Variants in FIBCD1 observed in about 807,000 individuals in gnomAD.
FIBCD1 encodes the protein fibrinogen C domain containing 1, also known as fibrinogen C domain-containing protein 1.
FIBCD1 carries 47 observed loss-of-function variants against 45.1 expected under a neutral mutation model. The observed-to-expected ratio is 1.04, with a 90% confidence interval of 0.82 to 1.33. The LOEUF (loss-of-function observed/expected upper bound fraction) is 1.33, where lower values mean the gene tolerates loss of function less well. Ranked by LOEUF, FIBCD1 falls within the 40% of genes most tolerant of loss-of-function variation. The pLI, the probability that FIBCD1 is intolerant of heterozygous loss-of-function variation, is 0.00. For synonymous variants in FIBCD1, 313 were observed against 308.1 expected (o/e 1.02, Z -0.17); for missense variants, 653 against 682.2 (o/e 0.96, Z 0.48).
intron 3 of FIBCD1, 56 bp from the exon 4 acceptor site, chr9:130,923,936 C>T (rs928752044): frequency 3.1e-6 from 5 of 1,608,482 alleles, no homozygotes; most frequent in Non-Finnish European, 4.2e-6. Context: ...CCTGCCCAGC[C>T]CCCTGGCCAA....
rs373525799 is a variant in FIBCD1, at chr9:130,923,730, C to T, written c.849+14G>A. On this transcript the variant is annotated intron_variant, in intron 4 of 6. Coordinates refer to ENST00000372338, the MANE Select transcript of FIBCD1 (RefSeq NM_032843.5). ...GGTGCCTGCCCTGCCGCCCGCCCAGCCTGGGACACTCACCGTCCAGCCGCC... is the reference window on the plus strand; with the variant it reads ...GGTGCCTGCCCTGCCGCCCGCCCAGTCTGGGACACTCACCGTCCAGCCGCC... 177 of 1,611,060 alleles carry T rather than the reference C, an allele frequency of 1.1e-4. No homozygotes were observed. The Middle Eastern group carries it at 1.7e-3, about 16-fold the overall frequency.
At chr9:130,909,909 C>T (rs1832005423) in intron 5 of FIBCD1, among the ~76,000 whole-genome samples, 1 of 152,240 alleles carries the variant, frequency 6.6e-6, no homozygotes, top group Admixed American at 6.5e-5. Flanking sequence ...CGTGCGGTTG[C>T]CTCCAGGCCC....
intron 4 of FIBCD1, among the ~76,000 whole-genome samples, chr9:130,919,414 G>A (rs1330592648): frequency 6.6e-6 from 1 of 152,204 alleles, no homozygotes; most frequent in Non-Finnish European, 1.5e-5. Flanking sequence ...AGGGCCGGCC[G>A]CAGCTGCAGC....
In FIBCD1 at chr9:130,903,892, G is replaced by A. The variant is rs183146108; in HGVS notation, c.*172C>T. ...GAGGGGGTGGGGACGGCGAGAAGGCGATGTGTGACTTCACCGGCCCAGGGA... is the reference window on the plus strand; with the variant it reads ...GAGGGGGTGGGGACGGCGAGAAGGCAATGTGTGACTTCACCGGCCCAGGGA... On this transcript the variant is annotated 3_prime_UTR_variant, in exon 7 of 7. Coordinates refer to ENST00000372338, the MANE Select transcript of FIBCD1 (RefSeq NM_032843.5). The A allele has an allele frequency of 1.7e-5, 14 of 811,024 alleles. No homozygotes were observed. Among genetic ancestry groups the A allele is most frequent in the East Asian group, 2.7e-5 (1 of 37,310 alleles). The allele number at this position is 811,024 out of a possible 1,614,324, so 50.2% of individuals were successfully genotyped here.
At chr9:130,939,355 G>T (rs1025603474), upstream of FIBCD1, 1 of 152,230 alleles carries the variant, frequency 6.6e-6, no homozygotes, top group East Asian at 1.9e-4. Flanking sequence ...TGCGCCGGGG[G>T]CAGTTTCGGT....
intron 4 of FIBCD1, among the ~76,000 whole-genome samples, chr9:130,915,560 G>T (rs530329514): frequency 6.6e-6 from 1 of 152,080 alleles, no homozygotes; most frequent in Non-Finnish European, 1.5e-5. Flanking sequence ...AAAATTAGCC[G>T]GGCATAGTGG....
Position 130,926,245 on chromosome 9 carries a change from TA to T in FIBCD1, c.553-1850del, listed in dbSNP as rs144935472. 1.3e-5 allele frequency among the ~76,000 whole-genome samples: 2 copies of T among 152,222 alleles called. No homozygotes were observed. The highest frequency in any genetic ancestry group is 6.5e-5 in the Admixed American group (1 of 15,288). On this transcript the variant is annotated intron_variant, in intron 2 of 6. Coordinates refer to ENST00000372338, the MANE Select transcript of FIBCD1 (RefSeq NM_032843.5). The surrounding 1 kb of genome is among the most constrained non-coding windows in gnomAD (Gnocchi z 4.1). Reference sequence around the variant, plus strand: ...CTGAGTCAACACGGCCACAACGCACTAAAAAAAACTCAGGCACGGCCTCCTC... The same window carrying T: ...CTGAGTCAACACGGCCACAACGCACTAAAAAAACTCAGGCACGGCCTCCTC...
chr9:130,916,919 G>A (rs979334791), intron 4 of FIBCD1, among the ~76,000 whole-genome samples: 4 of 152,152 alleles, frequency 2.6e-5, no homozygotes, highest in African/African-American at 2.4e-5. Context: ...CTAATATGGT[G>A]AAACCCCATC....
intron 4 of FIBCD1, 38 bp from the exon 5 acceptor site, chr9:130,911,926 C>T: frequency 3.2e-6 from 5 of 1,539,828 alleles, no homozygotes; most frequent in South Asian, 2.4e-5. Flanking sequence ...TTGGCACCGA[C>T]CATCCCAGGA....
chr9:130,916,086 G>A (rs936359784), intron 4 of FIBCD1, among the ~76,000 whole-genome samples: 7 of 152,100 alleles, frequency 4.6e-5, no homozygotes, highest in African/African-American at 1.4e-4. Flanking sequence ...CTGCCACCAT[G>A]CCCGGCTAAG....
chr9:130,931,401 C>T lies in FIBCD1; in HGVS notation c.73-1355G>A, dbSNP rs150738805. The stretch of plus-strand genomic sequence containing the variant: ...CACATGCCTGTAAATCCCAGCTACT[C>T]GGGAGGCTGAGGCACGAGAATTCCT... On this transcript the variant is annotated intron_variant, in intron 1 of 6. Coordinates refer to ENST00000372338, the MANE Select transcript of FIBCD1 (RefSeq NM_032843.5). Among the ~76,000 whole-genome samples, 154 of 152,228 alleles carry T rather than the reference C, an allele frequency of 1.0e-3. 1 individual carries two copies. The East Asian group carries it at 0.018, about 18-fold the overall frequency.
chr9:130,937,793 T>C (rs1476326098), intron 1 of FIBCD1, among the ~76,000 whole-genome samples: 1 of 152,024 alleles, frequency 6.6e-6, no homozygotes, highest in Non-Finnish European at 1.5e-5. Context: ...CCAGCCCAGG[T>C]GTTCTGCCCT....
Position 130,903,508 on chromosome 9 carries a change from C to A in FIBCD1, c.*556G>T, listed in dbSNP as rs2133061369. ...GCCTGGTAGGATGGGGCCACCCAGC[C>A]CACAGCCAGGCTGAGGCCCTTGGGG... On this transcript the variant is annotated 3_prime_UTR_variant, in exon 7 of 7. Transcript: ENST00000372338. The A allele has an allele frequency of 5.3e-6, 1 of 189,898 alleles. No individual in the cohort carries two copies. Among genetic ancestry groups the A allele is most frequent in the Non-Finnish European group, 1.1e-5 (1 of 91,208 alleles). 11.8% of individuals were successfully genotyped at this position (189,898 alleles called of 1,614,324 possible).
chr9:130,914,039 C>T (rs941420624), intron 4 of FIBCD1, among the ~76,000 whole-genome samples: 1 of 152,190 alleles, frequency 6.6e-6, no homozygotes, highest in Non-Finnish European at 1.5e-5. Flanking sequence ...GTCTGTAAAG[C>T]AGAGATCACA....
chr9:130,928,729 C>G (rs1207752417), intron 2 of FIBCD1, among the ~76,000 whole-genome samples: 1 of 151,914 alleles, frequency 6.6e-6, no homozygotes, highest in Non-Finnish European at 1.5e-5. Flanking sequence ...TCTGAGTCAC[C>G]GGGAGAACGT....
At chr9:130,931,551 A>G (rs1307952730) in intron 1 of FIBCD1, among the ~76,000 whole-genome samples, 1 of 152,220 alleles carries the variant, frequency 6.6e-6, no homozygotes, top group Non-Finnish European at 1.5e-5. Flanking sequence ...ACGGAAACGA[A>G]GGGCAGGCGC....
chr9:130,911,729 A>G (rs1832052652), intron 5 of FIBCD1, 63 bp downstream of exon 5: 1 of 1,466,182 alleles, frequency 6.8e-7, no homozygotes, highest in Admixed American at 1.9e-5. Context: ...GCTGGGACCC[A>G]ACTGTGTCCG....
At chr9:130,911,095 C>T (rs543130959) in intron 5 of FIBCD1, among the ~76,000 whole-genome samples, 5 of 152,322 alleles carry the variant, frequency 3.3e-5, no homozygotes, top group East Asian at 3.9e-4. Context: ...AGGTTCCCTC[C>T]TGCGCTGTGG....
chr9:130,930,852 G>A, intron 1 of FIBCD1: 1 of 455,410 alleles, frequency 2.2e-6, no homozygotes, highest in South Asian at 1.5e-5. Flanking sequence ...GTCAGAGAGA[G>A]CTGTGATGCA....
Sources: gnomAD v4.1 joint callset for allele counts (sites outside exome capture counted in the v4.1 genomes callset) on GRCh38, gnomAD v4.1.1 for gene constraint, Gnocchi (gnomAD v3.1) non-coding constraint, MANE v1.5 for transcripts, NCBI Gene and HGNC (gene_info 2026-07-23, HGNC 2026-07-21) for gene names.